The following STAU2 variants were observed in gnomAD, a reference collection of about 807,000 sequenced individuals.
The protein encoded by STAU2 is double-stranded RNA-binding protein Staufen homolog 2.
STAU2 carries 20 observed loss-of-function variants against 65.9 expected under a neutral mutation model. That is an observed-to-expected ratio of 0.30 (90% CI 0.21 to 0.44). STAU2 has a LOEUF of 0.44. Ranked by LOEUF, STAU2 falls within the 20% of genes least tolerant of loss-of-function variation. The probability of loss-of-function intolerance (pLI) is 1.00; values close to 1 mark genes in which losing one functional copy is unlikely to be tolerated. For synonymous variants in STAU2, 232 were observed against 233.9 expected (o/e 0.99, Z 0.07); for missense variants, 558 against 683.9 (o/e 0.82, Z 2.05).
chr8:73,702,934 C>T (rs781550673), intron 4 of STAU2, among the ~76,000 whole-genome samples: 13 of 152,052 alleles, frequency 8.5e-5, no homozygotes, highest in Non-Finnish European at 1.5e-4. Context: ...TCTCATACAC[C>T]GCTGAGGGGA....
chr8:73,462,670 T>C (rs1819431557), intron 13 of STAU2, among the ~76,000 whole-genome samples: 1 of 152,194 alleles, frequency 6.6e-6, no homozygotes, highest in Non-Finnish European at 1.5e-5. Flanking sequence ...GTGCTGGGAT[T>C]ACAGGCGCGA....
At chr8:73,615,918 T>C in intron 7 of STAU2, 136 bp from the exon 8 acceptor site, 1 of 612,582 alleles carries the variant, frequency 1.6e-6, no homozygotes, top group Non-Finnish European at 2.8e-6. Context: ...TGCATTCTCC[T>C]GTAACCACAG....
intron 12 of STAU2, among the ~76,000 whole-genome samples, chr8:73,557,469 A>T (rs1563420594): frequency 6.6e-6 from 1 of 152,340 alleles, no homozygotes; most frequent in East Asian, 1.9e-4. Context: ...GTAGAATCAA[A>T]GAGTAATTTA....
chr8:73,443,372 T>C (rs1301052499), intron 13 of STAU2, among the ~76,000 whole-genome samples: 1 of 152,246 alleles, frequency 6.6e-6, no homozygotes, highest in Non-Finnish European at 1.5e-5. Context: ...TAGCTAGTAT[T>C]ATTAGCCAAA....
intron 13 of STAU2, among the ~76,000 whole-genome samples, chr8:73,520,085 T>C (rs901495306): frequency 6.6e-6 from 1 of 152,162 alleles, no homozygotes; most frequent in Admixed American, 6.5e-5. Context: ...AAGATACACA[T>C]GTAAGAGCAT....
intron 6 of STAU2, among the ~76,000 whole-genome samples, chr8:73,630,574 T>C (rs1233136763): frequency 2.0e-5 from 3 of 152,180 alleles, no homozygotes; most frequent in Non-Finnish European, 4.4e-5. Context: ...GTGGACAAAA[T>C]AGTTTTTGAA....
chr8:73,602,292 TTTGAGTGCCAAAA>T (rs1384227172), intron 10 of STAU2, among the ~76,000 whole-genome samples: 1 of 152,228 alleles, frequency 6.6e-6, no homozygotes, highest in Non-Finnish European at 1.5e-5. Flanking sequence ...AGACACTGTA[TTTGAGTGCCAAAA>T]TGTCTACCAC....
upstream of STAU2, chr8:73,747,067 A>T (rs983399441): frequency 1.7e-5 from 4 of 240,302 alleles, no homozygotes; most frequent in Non-Finnish European, 3.0e-5. Flanking sequence ...AAGCGCGGCC[A>T]TTGTTCGCGA....
intron 4 of STAU2, among the ~76,000 whole-genome samples, chr8:73,697,949 G>A (rs1314095049): frequency 6.6e-6 from 1 of 151,896 alleles, no homozygotes; most frequent in Non-Finnish European, 1.5e-5. Flanking sequence ...GTGTGGTGGT[G>A]CACACATGTA....
At chr8:73,738,867 A>G (rs1806630328) in intron 2 of STAU2, among the ~76,000 whole-genome samples, 1 of 152,252 alleles carries the variant, frequency 6.6e-6, no homozygotes, top group African/African-American at 2.4e-5. Context: ...TATGGAAAAG[A>G]GCATATAGTA....
intron 13 of STAU2, among the ~76,000 whole-genome samples, chr8:73,434,490 C>T (rs1255325028): frequency 1.3e-5 from 2 of 151,854 alleles, no homozygotes; most frequent in African/African-American, 4.9e-5. Flanking sequence ...AGGGAGAGGG[C>T]TTGGCATGTG....
intron 9 of STAU2, among the ~76,000 whole-genome samples, chr8:73,606,989 C>T (rs898481288): frequency 6.6e-5 from 10 of 151,932 alleles, no homozygotes; most frequent in South Asian, 4.2e-4. Flanking sequence ...AGTGGTTTCT[C>T]GGCAAATTAA....
intron 5 of STAU2, among the ~76,000 whole-genome samples, chr8:73,678,833 A>T (rs886955623): frequency 6.6e-6 from 1 of 152,178 alleles, no homozygotes; most frequent in African/African-American, 2.4e-5. Context: ...TAAATACTGC[A>T]ATCAGTTGAA....
At chr8:73,478,144 G>T (rs921161839) in intron 13 of STAU2, among the ~76,000 whole-genome samples, 6 of 151,230 alleles carry the variant, frequency 4.0e-5, no homozygotes, top group Non-Finnish European at 8.8e-5. Flanking sequence ...TAAAGCAAAT[G>T]CAAGAACACT....
At chr8:73,491,980 C>T (rs1031297317) in intron 13 of STAU2, among the ~76,000 whole-genome samples, 2 of 151,526 alleles carry the variant, frequency 1.3e-5, no homozygotes, top group African/African-American at 4.8e-5. Flanking sequence ...TCTGATTTGG[C>T]GTGTTTTGAT....
intron 13 of STAU2, 117 bp downstream of exon 13, chr8:73,551,895 A>G: frequency 7.3e-7 from 1 of 1,361,142 alleles, no homozygotes; most frequent in Non-Finnish European, 9.5e-7. Context: ...AATAACTTAA[A>G]ACGTAAGTGG....
intron 4 of STAU2, among the ~76,000 whole-genome samples, chr8:73,704,198 C>G (rs1291561034): frequency 6.6e-6 from 1 of 152,136 alleles, no homozygotes; most frequent in Non-Finnish European, 1.5e-5. Context: ...ATACAATCAG[C>G]CAAATTCAAG....
intron 12 of STAU2, among the ~76,000 whole-genome samples, chr8:73,569,260 G>A: frequency 6.6e-6 from 1 of 152,224 alleles, no homozygotes. Flanking sequence ...GAGGCTGGGG[G>A]AGGGCCGTCC....
chr8:73,431,473 T>C (rs975811129), intron 13 of STAU2, among the ~76,000 whole-genome samples: 10 of 152,240 alleles, frequency 6.6e-5, no homozygotes, highest in Non-Finnish European at 1.3e-4. Flanking sequence ...CTTATTCCTG[T>C]CTTTTCAGGT....
Sources: allele counts gnomAD v4.1 joint callset (sites outside exome capture counted in the v4.1 genomes callset), GRCh38; gene constraint gnomAD v4.1.1; transcripts MANE v1.5; gene names NCBI Gene and HGNC (gene_info 2026-07-23, HGNC 2026-07-21).